Variants in USP3 observed in about 807,000 individuals in gnomAD.
USP3 encodes ubiquitin specific peptidase 3.
Under a neutral mutation model 72.3 loss-of-function variants are expected in USP3, and 20 were observed. The observed-to-expected ratio is 0.28, with a 90% CI of 0.19 to 0.40. USP3 has a LOEUF of 0.40. Among genes scored for constraint, USP3 ranks in the 10% least tolerant of loss-of-function variants. The pLI, the probability that USP3 is intolerant of heterozygous loss-of-function variation, is 1.00. For synonymous variants in USP3, 222 were observed against 225.3 expected, an observed-to-expected ratio of 0.99 and a Z score of 0.13; for missense variants, 479 against 633.9, an observed-to-expected ratio of 0.76 and a Z score of 2.62.
In USP3 at chr15:63,570,454, C is replaced by A; in HGVS notation, c.783C>A (p.Ala261=). The change falls in exon 9 of 15, where the codon GCC becomes GCA. Residue 261 remains alanine, a synonymous_variant. Coordinates refer to ENST00000380324, the MANE Select transcript of USP3 (RefSeq NM_006537.4). This position sits in a 1 kb window ranked among gnomAD's most constrained non-coding sequence, Gnocchi z 4.4. ...TTAGGGGCTATCAACAGCAGGACGCCCATGAATTCATGCGCTACCTTTTGG... is the reference window on the plus strand; with the variant it reads ...TTAGGGGCTATCAACAGCAGGACGCACATGAATTCATGCGCTACCTTTTGG... ...PNFRGYQQQD[A]HEFMRYLLDH... 1 of 1,614,158 alleles carries A rather than the reference C, an allele frequency of 6.2e-7. No homozygotes were observed.
In USP3 at chr15:63,590,941, T is replaced by G; in HGVS notation, c.*115T>G. On this transcript the variant is annotated 3_prime_UTR_variant, in exon 15 of 15. Coordinates refer to ENST00000380324, the MANE Select transcript of USP3 (RefSeq NM_006537.4). The stretch of plus-strand genomic sequence containing the variant: ...GCACTTTTCAATTTCCTATTTTGGA[T>G]TTAGTTTTGTCAATGGTAGTGACTT... 1 of 1,333,050 alleles carries G rather than the reference T, an allele frequency of 7.5e-7. No individual in the cohort carries two copies. The highest frequency in any genetic ancestry group is 1.8e-5 in the South Asian group (1 of 54,348). 82.6% of individuals were successfully genotyped at this position (1,333,050 alleles called of 1,614,324 possible).
intron 8 of USP3, among the ~76,000 whole-genome samples, chr15:63,568,508 CA>C (rs1257342290): frequency 6.6e-6 from 1 of 152,020 alleles, no homozygotes; most frequent in East Asian, 1.9e-4. Context: ...AATGTGTATA[CA>C]AAACATAAAC....
Position 63,544,597 on chromosome 15 carries a change from A to G in USP3, c.284+7441A>G. ...ACCTACATTAAATTTTAGGACAAGAAAACGATTGAGCCATGCTGTGTGTTT... is the reference window on the plus strand; with the variant it reads ...ACCTACATTAAATTTTAGGACAAGAGAACGATTGAGCCATGCTGTGTGTTT... On this transcript the variant is annotated intron_variant, in intron 3 of 14. Coordinates refer to ENST00000380324, the MANE Select transcript of USP3 (RefSeq NM_006537.4). This position sits in a 1 kb window ranked among gnomAD's most constrained non-coding sequence, Gnocchi z 4.2. 1 of 640,232 alleles carries G rather than the reference A, an allele frequency of 1.6e-6. No homozygotes were observed. The highest frequency in any genetic ancestry group is 2.8e-6 in the Non-Finnish European group (1 of 358,288). 39.7% of individuals were successfully genotyped at this position (640,232 alleles called of 1,614,324 possible). A position where few individuals can be genotyped will look rare whatever the true frequency, so the allele number is the denominator to read the frequency against.
chr15:63,512,343 C>T lies in USP3; in HGVS notation c.91+7513C>T, dbSNP rs578252406. ...TCCTCTTCTTCCTCTTCCTCCTCTT[C>T]CTCCTCTTCCTCTTCTTCTTCTTTC... On this transcript the variant is annotated intron_variant, in intron 1 of 14. Coordinates refer to ENST00000380324, the MANE Select transcript of USP3 (RefSeq NM_006537.4). Among the ~76,000 whole-genome samples, 294 of 73,130 alleles carry T rather than the reference C, an allele frequency of 4.0e-3. 3 individuals carry two copies. The highest frequency in any genetic ancestry group is 0.018 in the Middle Eastern group (2 of 110). The allele number at this position is 73,130 out of a possible 152,430, so 48.0% of individuals were successfully genotyped here. A position where few individuals can be genotyped will look rare whatever the true frequency, so the allele number is the denominator to read the frequency against.
In USP3 at chr15:63,589,007, T is replaced by C; in HGVS notation, c.1393T>C (p.Ser465Pro). Residue 465 changes from serine to proline, a missense_variant, in exon 14 of 15, where the codon TCC becomes CCC. Ser to Pro is a moderately conservative substitution (Grantham distance 74). Coordinates refer to ENST00000380324, the MANE Select transcript of USP3 (RefSeq NM_006537.4). ...DLAAVVVHHGSGVGSGHYTAY... is the reference protein window; with the variant it reads ...DLAAVVVHHGPGVGSGHYTAY... Reference sequence around the variant, plus strand: ...CGCCGCTGTGGTGGTGCACCATGGTTCCGGGTGAGTACAACAGCCAGCTTC... The same window carrying C: ...CGCCGCTGTGGTGGTGCACCATGGTCCCGGGTGAGTACAACAGCCAGCTTC... The C allele has an allele frequency of 6.2e-7, 1 of 1,613,302 alleles. No individual in the cohort carries two copies. The highest frequency in any genetic ancestry group is 8.5e-7 in the Non-Finnish European group (1 of 1,180,020).
intron 3 of USP3, among the ~76,000 whole-genome samples, chr15:63,550,679 T>G (rs2066423992): frequency 6.6e-6 from 1 of 152,242 alleles, no homozygotes; most frequent in South Asian, 2.1e-4. Context: ...CTGACTTAAT[T>G]GGTCTTTAAT....
chr15:63,556,164 G>T (rs2066504351), intron 4 of USP3: 1 of 152,308 alleles, frequency 6.6e-6, no homozygotes, highest in African/African-American at 2.4e-5. Flanking sequence ...GAATGTACAT[G>T]TGCCTGTATT....
intron 1 of USP3, among the ~76,000 whole-genome samples, chr15:63,522,159 A>G (rs1436420097): frequency 1.3e-5 from 2 of 152,204 alleles, no homozygotes; most frequent in African/African-American, 2.4e-5. Context: ...TACAGGCATG[A>G]GCCACTGTGC....
chr15:63,569,515 T>A (rs1270976191), intron 8 of USP3, among the ~76,000 whole-genome samples: 1 of 152,180 alleles, frequency 6.6e-6, no homozygotes, highest in Non-Finnish European at 1.5e-5. Flanking sequence ...TAGTGGGAGT[T>A]TTGAATCTTA....
At chr15:63,505,511 A>AG (rs1384957207) in intron 1 of USP3, among the ~76,000 whole-genome samples, 1 of 152,186 alleles carries the variant, frequency 6.6e-6, no homozygotes, top group Non-Finnish European at 1.5e-5. Context: ...GCTGCTTTGG[A>AG]GGGGACTGCT....
chr15:63,582,655 C>G (rs1331961832), intron 11 of USP3, among the ~76,000 whole-genome samples: 2 of 152,126 alleles, frequency 1.3e-5, no homozygotes, highest in Non-Finnish European at 2.9e-5. Flanking sequence ...ACTACATGGT[C>G]ACCTTGTAAG....
chr15:63,533,498 C>T (rs546650926), intron 2 of USP3, among the ~76,000 whole-genome samples: 4 of 152,228 alleles, frequency 2.6e-5, no homozygotes, highest in South Asian at 2.1e-4. Flanking sequence ...TTCCACTGCT[C>T]TTCTAGCTTA....
chr15:63,551,225 C>G (rs926323155), intron 3 of USP3: 1 of 151,998 alleles, frequency 6.6e-6, no homozygotes, highest in Non-Finnish European at 1.5e-5. Context: ...TTTTTTTACC[C>G]AGCAGCTTTT....
At chr15:63,557,069 A>C (rs2066522966) in intron 5 of USP3, 1 of 174,402 alleles carries the variant, frequency 5.7e-6, no homozygotes, top group African/African-American at 2.4e-5. Flanking sequence ...CTTTAGCTTC[A>C]GGCGGCTTTT....
At chr15:63,535,667 A>G (rs993636534) in intron 2 of USP3, among the ~76,000 whole-genome samples, 1 of 152,194 alleles carries the variant, frequency 6.6e-6, no homozygotes, top group African/African-American at 2.4e-5. Context: ...CAGGGAAAAA[A>G]TGGAGAAAGA....
At chr15:63,566,726 A>G (rs924012630) in intron 8 of USP3, among the ~76,000 whole-genome samples, 1 of 152,238 alleles carries the variant, frequency 6.6e-6, no homozygotes, top group Admixed American at 6.5e-5. Flanking sequence ...TTTTCACTGT[A>G]GCCAAGAATT....
rs571261352 is a variant in USP3, at chr15:63,534,126, A to T, written c.152+1419A>T. ...TAGCCTCTGCAGGTGGACTGTTGTC[A>T]ATTGCAAACAAGCTTAAATTTAGAA... On this transcript the variant is annotated intron_variant, in intron 2 of 14. Coordinates refer to ENST00000380324, the MANE Select transcript of USP3 (RefSeq NM_006537.4). Among the ~76,000 whole-genome samples, 76 of 152,310 alleles carry T rather than the reference A, an allele frequency of 5.0e-4. No individual in the cohort carries two copies. The South Asian group carries it at 6.6e-3, about 13-fold the overall frequency.
intron 11 of USP3, among the ~76,000 whole-genome samples, chr15:63,585,351 G>C (rs536476228): frequency 6.6e-6 from 1 of 152,146 alleles, no homozygotes; most frequent in Non-Finnish European, 1.5e-5. Flanking sequence ...AAGTCTTCCA[G>C]TCTATGAATG....
Position 63,590,815 on chromosome 15 carries a change from G to A in USP3, c.1552G>A (p.Asp518Asn), listed in dbSNP as rs1334492134. Reference sequence around the variant, plus strand: ...GGAACACCAGGCCAAAGCTGGATCGGATAAACTTTAATACCTCCTCCAAAT... The same window carrying A: ...GGAACACCAGGCCAAAGCTGGATCGAATAAACTTTAATACCTCCTCCAAAT... Reference protein sequence around the residue: ...YVEHQAKAGSDKL With the variant: ...YVEHQAKAGSNKL Residue 518 changes from aspartate (D) to asparagine (N), a missense_variant, in exon 15 of 15, where the codon GAT becomes AAT. Asp to Asn is a conservative substitution (Grantham distance 23, BLOSUM62 1). Transcript: ENST00000380324. 1.2e-6 allele frequency: 2 copies of A among 1,611,982 alleles called. No individual in the cohort carries two copies. The highest frequency in any genetic ancestry group is 3.4e-5 in the Admixed American group (2 of 59,544).
Sources: gnomAD v4.1 joint callset for allele counts (sites outside exome capture counted in the v4.1 genomes callset) on GRCh38, gnomAD v4.1.1 for gene constraint, Gnocchi (gnomAD v3.1) non-coding constraint, MANE v1.5 for transcripts, NCBI Gene and HGNC (gene_info 2026-07-23, HGNC 2026-07-21) for gene names.